DCP1B: variants seen among roughly 807,000 people sequenced by gnomAD.
DCP1B encodes the protein decapping mRNA 1B.
Under a neutral mutation model 60.5 loss-of-function variants are expected in DCP1B, and 47 were observed. The ratio of observed to expected loss-of-function variants is 0.78; its 90% confidence interval spans 0.61 to 0.99. The LOEUF (loss-of-function observed/expected upper bound fraction) is 0.99. DCP1B is among the 50% of genes least tolerant of loss of function. The pLI is 0.00. For synonymous variants in DCP1B, 267 were observed against 280.3 expected (o/e 0.95, Z 0.47); for missense variants, 725 against 756.8 (o/e 0.96, Z 0.49).
chr12:1,950,325 G>T, intron 7 of DCP1B: 1 of 702,394 alleles, frequency 1.4e-6, no homozygotes, highest in Non-Finnish European at 2.6e-6. Flanking sequence ...TGAGCACAGC[G>T]TGGGCTGCTG....
In DCP1B at chr12:1,965,578, C is replaced by A. The variant is rs557690728; in HGVS notation, c.502G>T (p.Ala168Ser). ...CTCACCTTTGTGTATTCGTCTTTGGCCTTGATGAGCATTCGTAAAATGTCT... is the reference window on the plus strand; with the variant it reads ...CTCACCTTTGTGTATTCGTCTTTGGACTTGATGAGCATTCGTAAAATGTCT... ...EVDILRMLIKAKDEYTKCKTC... is the reference protein window; with the variant it reads ...EVDILRMLIKSKDEYTKCKTC... Residue 168 changes from alanine to serine, a missense_variant, in exon 5 of 9, where the codon GCC becomes TCC. Coordinates refer to ENST00000280665, the MANE Select transcript of DCP1B (RefSeq NM_152640.5). The A allele has an allele frequency of 6.2e-7, 1 of 1,613,278 alleles. No homozygotes were observed. Among genetic ancestry groups the A allele is most frequent in the African/African-American group, 1.3e-5 (1 of 75,000 alleles).
chr12:1,958,589 C>T (rs963310394), intron 5 of DCP1B, among the ~76,000 whole-genome samples: 7 of 146,802 alleles, frequency 4.8e-5, no homozygotes, highest in Admixed American at 6.8e-5. Context: ...TCCCTAACGT[C>T]GCTCTGGGCA....
Position 1,993,284 on chromosome 12 carries a change from A to C in DCP1B, c.299T>G (p.Leu100Arg). ...CTCACATCTGGCATTTCTGTAGAGA[A>C]GGAAAGGGTCCTGGAGTTGGAAATC... ...DLDFQLQDPF[L>R]LYRNARLSIY... Residue 100 changes from leucine (L) to arginine (R), a missense_variant, in exon 3 of 9, where the codon CTT becomes CGT. Transcript: ENST00000280665. 1 of 1,614,180 alleles carries C rather than the reference A, an allele frequency of 6.2e-7. No homozygotes were observed. Among genetic ancestry groups the C allele is most frequent in the Non-Finnish European group, 8.5e-7 (1 of 1,179,990 alleles).
chr12:1,946,807 C>T (rs568893814), intron 8 of DCP1B, among the ~76,000 whole-genome samples: 2 of 152,280 alleles, frequency 1.3e-5, no homozygotes, highest in East Asian at 3.9e-4. Flanking sequence ...TCAAGCGATC[C>T]TCCCACCTCA....
chr12:1,992,423 A>C (rs1313598633), intron 3 of DCP1B: 1 of 153,378 alleles, frequency 6.5e-6, no homozygotes, highest in Non-Finnish European at 1.5e-5. Context: ...TCTTGAGTTC[A>C]AAGAGTAGGA....
chr12:1,946,846 C>T (rs967122598), intron 8 of DCP1B, among the ~76,000 whole-genome samples: 7 of 152,112 alleles, frequency 4.6e-5, no homozygotes, highest in Non-Finnish European at 7.4e-5. Context: ...GCTACAGGTG[C>T]GTGCTACCAT....
At chr12:1,955,371 G>A in intron 6 of DCP1B, 61 bp downstream of exon 6, 1 of 1,548,818 alleles carries the variant, frequency 6.5e-7, no homozygotes, top group Non-Finnish European at 8.7e-7. Context: ...CTATATTCTG[G>A]GTCAAAGTTC....
chr12:2,002,881 A>G (rs193289549), intron 1 of DCP1B, among the ~76,000 whole-genome samples: 1 of 152,336 alleles, frequency 6.6e-6, no homozygotes, highest in African/African-American at 2.4e-5. Context: ...TTATGTAAAA[A>G]CGAAGGTGAC....
In DCP1B at chr12:1,993,314, T is replaced by A. The variant is rs1283896659; in HGVS notation, c.269A>T (p.Asp90Val). ...AGGGTCCTGGAGTTGGAAATCCAAGTCTTTAGTAATAGGTTCTGTCCTATT... is the reference window on the plus strand; with the variant it reads ...AGGGTCCTGGAGTTGGAAATCCAAGACTTTAGTAATAGGTTCTGTCCTATT... The part of the protein sequence containing the change: ...MENRTEPITK[D>V]LDFQLQDPFL... Residue 90 changes from aspartate to valine, a missense_variant, in exon 3 of 9, where the codon GAC becomes GTC. Coordinates refer to ENST00000280665, the MANE Select transcript of DCP1B (RefSeq NM_152640.5). 6.2e-7 allele frequency: 1 copy of A among 1,614,106 alleles called. No homozygotes were observed. The highest frequency in any genetic ancestry group is 8.5e-7 in the Non-Finnish European group (1 of 1,179,966).
At chr12:1,990,853 C>A (rs2039195302) in intron 3 of DCP1B, among the ~76,000 whole-genome samples, 1 of 152,130 alleles carries the variant, frequency 6.6e-6, no homozygotes, top group South Asian at 2.1e-4. Context: ...TAAGAGGTAT[C>A]TGACACTCTG....
At chr12:1,991,589 A>C (rs996508840) in intron 3 of DCP1B, 2 of 237,222 alleles carry the variant, frequency 8.4e-6, no homozygotes, top group African/African-American at 4.7e-5. Context: ...TGCCTGTTGG[A>C]CACTCACAGT....
chr12:1,961,052 C>A (rs945949427), intron 5 of DCP1B, among the ~76,000 whole-genome samples: 4 of 152,166 alleles, frequency 2.6e-5, no homozygotes, highest in African/African-American at 7.2e-5. Context: ...TAGCAGGGTG[C>A]ATGCACACCT....
At chr12:1,959,811 T>C (rs1486150023) in intron 5 of DCP1B, among the ~76,000 whole-genome samples, 1 of 151,870 alleles carries the variant, frequency 6.6e-6, no homozygotes, top group East Asian at 1.9e-4. Flanking sequence ...TACAAAAAAA[T>C]TATCCGGGCA....
intron 3 of DCP1B, among the ~76,000 whole-genome samples, chr12:1,983,608 T>G (rs560453068): frequency 6.6e-6 from 1 of 152,218 alleles, no homozygotes; most frequent in African/African-American, 2.4e-5. Context: ...TTTCAACTCT[T>G]TAAAAATTTT....
At chr12:1,991,188 A>T (rs921768894) in intron 3 of DCP1B, 2 of 456,124 alleles carry the variant, frequency 4.4e-6, no homozygotes, top group Non-Finnish European at 8.8e-6. Context: ...CGGAAGTGAA[A>T]TCAGAATCTG....
intron 3 of DCP1B, among the ~76,000 whole-genome samples, chr12:1,976,413 G>A (rs2034378231): frequency 6.6e-6 from 1 of 152,098 alleles, no homozygotes; most frequent in Non-Finnish European, 1.5e-5. Flanking sequence ...AGGAGTCCTT[G>A]AAAGTTTCTA....
intron 3 of DCP1B, among the ~76,000 whole-genome samples, chr12:1,983,294 A>C (rs1230392951): frequency 6.6e-6 from 1 of 151,556 alleles, no homozygotes; most frequent in Non-Finnish European, 1.5e-5. Flanking sequence ...TTTGGATTTA[A>C]TATACTCTTC....
intron 7 of DCP1B, among the ~76,000 whole-genome samples, chr12:1,951,042 T>G (rs1405811973): frequency 6.6e-6 from 1 of 151,982 alleles, no homozygotes; most frequent in African/African-American, 2.4e-5. Flanking sequence ...GAGCCCGAGG[T>G]GGGTGGATCA....
At chr12:1,988,765 G>C (rs941774460) in intron 3 of DCP1B, among the ~76,000 whole-genome samples, 1 of 152,092 alleles carries the variant, frequency 6.6e-6, no homozygotes, top group Non-Finnish European at 1.5e-5. Flanking sequence ...TAGAAGATGG[G>C]GGCTACCTGT....
Sources: gnomAD v4.1 joint callset for allele counts (sites outside exome capture counted in the v4.1 genomes callset) on GRCh38, gnomAD v4.1.1 for gene constraint, MANE v1.5 for transcripts, NCBI Gene and HGNC (gene_info 2026-07-23, HGNC 2026-07-21) for gene names.